WFDC11: variants seen among roughly 807,000 people sequenced by gnomAD.
WFDC11 encodes the protein protein WFDC11.
WFDC11 carries 9 observed loss-of-function variants against 9.9 expected under a neutral mutation model. The observed-to-expected ratio is 0.91, with a 90% CI of 0.55 to 1.58. The LOEUF is 1.58. Ranked by LOEUF, WFDC11 falls within the 40% of genes most tolerant of loss-of-function variation. WFDC11 has a pLI of 0.00. For synonymous variants in WFDC11, 32 were observed against 33.3 expected, an observed-to-expected ratio of 0.96 and a Z score of 0.13; for missense variants, 106 against 101.7, an observed-to-expected ratio of 1.04 and a Z score of -0.18.
At chr20:45,667,213 G>T (rs1456851350) in intron 1 of WFDC11, 44 bp from the exon 2 acceptor site, 1 of 152,232 alleles carries the variant, frequency 6.6e-6, no homozygotes, top group Non-Finnish European at 1.5e-5. Context: ...CAATTATGCA[G>T]ATCTTAGTCA....
chr20:45,651,584 G>C (rs921794239), intron 2 of WFDC11, among the ~76,000 whole-genome samples: 1 of 152,178 alleles, frequency 6.6e-6, no homozygotes, highest in African/African-American at 2.4e-5. Context: ...ATCTCACTGG[G>C]GAGTGTCAGA....
chr20:45,658,469 G>C (rs1217349490), intron 2 of WFDC11, among the ~76,000 whole-genome samples: 1 of 152,010 alleles, frequency 6.6e-6, no homozygotes, highest in Non-Finnish European at 1.5e-5. Flanking sequence ...ATCTCTTCTA[G>C]GTTTTCTAGT....
intron 2 of WFDC11, among the ~76,000 whole-genome samples, chr20:45,655,775 C>G (rs2145618188): frequency 6.6e-6 from 1 of 152,260 alleles, no homozygotes; most frequent in Non-Finnish European, 1.5e-5. Flanking sequence ...CACAAGCATT[C>G]TTATACACCA....
intron 2 of WFDC11, among the ~76,000 whole-genome samples, chr20:45,655,049 A>G (rs891160654): frequency 8.5e-5 from 13 of 152,250 alleles, no homozygotes; most frequent in Admixed American, 7.8e-4. Flanking sequence ...TCCAATCAAT[A>G]GAAAAAGAGG....
At position 45,667,755 on chromosome 20, in the gene WFDC11, C is replaced by A. The variant is rs75908081; in HGVS notation, c.-133-586G>T. Among the ~76,000 whole-genome samples the A allele has an allele frequency of 5.5e-3, 840 of 152,262 alleles. 7 individuals carry two copies. Among genetic ancestry groups the A allele is most frequent in the African/African-American group, 0.019 (806 of 41,548 alleles). ...TTCCTCATTTTTAAAGTGAGAATAG[C>A]AGTACTTTCTTCATAGGATTTTTGG... On this transcript the variant is annotated intron_variant, in intron 1 of 4. Transcript: ENST00000324384.
intron 3 of WFDC11, 48 bp downstream of exon 3, chr20:45,650,453 A>G: frequency 1.3e-6 from 2 of 1,514,250 alleles, no homozygotes; most frequent in Non-Finnish European, 1.8e-6. Flanking sequence ...TTGTTCAGAA[A>G]CAAGCTCATC....
intron 2 of WFDC11, among the ~76,000 whole-genome samples, chr20:45,666,293 G>A (rs79607696): frequency 6.6e-6 from 1 of 152,204 alleles, no homozygotes; most frequent in Non-Finnish European, 1.5e-5. Flanking sequence ...ACAGTATTTG[G>A]GTGGGAGTGT....
chr20:45,665,538 C>G (rs1600943160), intron 2 of WFDC11, among the ~76,000 whole-genome samples: 1 of 152,210 alleles, frequency 6.6e-6, no homozygotes. Context: ...TCTGGTTTCT[C>G]CCCATCTTTG....
At chr20:45,650,236 T>TTG (rs1982772894) in intron 3 of WFDC11, among the ~76,000 whole-genome samples, 1 of 145,256 alleles carries the variant, frequency 6.9e-6, no homozygotes, top group Admixed American at 6.8e-5. Context: ...ACACATGTGT[T>TTG]TGTATATATA....
chr20:45,649,992 A>G (rs1350423351), intron 3 of WFDC11, among the ~76,000 whole-genome samples: 2 of 152,050 alleles, frequency 1.3e-5, no homozygotes, highest in Non-Finnish European at 2.9e-5. Flanking sequence ...AAGGGATCTC[A>G]AGCCTCTTTC....
intron 2 of WFDC11, among the ~76,000 whole-genome samples, chr20:45,665,137 C>A (rs960385830): frequency 3.3e-5 from 5 of 152,158 alleles, no homozygotes; most frequent in Admixed American, 2.6e-4. Context: ...TTTCTCTAAC[C>A]TTGTCTTTTC....
intron 4 of WFDC11, 31 bp downstream of exon 4, chr20:45,649,226 T>C: frequency 6.2e-7 from 1 of 1,613,128 alleles, no homozygotes; most frequent in Non-Finnish European, 8.5e-7. Flanking sequence ...TCAGTGAAGA[T>C]ATACACCCAA....
At chr20:45,648,811 A>T in intron 4 of WFDC11, 72 bp from the exon 5 acceptor site, 1 of 1,463,210 alleles carries the variant, frequency 6.8e-7, no homozygotes, top group Non-Finnish European at 9.6e-7. Flanking sequence ...CCCCCTGCTT[A>T]ATAGTATCCA....
intron 2 of WFDC11, among the ~76,000 whole-genome samples, chr20:45,652,114 C>G (rs1982820709): frequency 6.6e-6 from 1 of 152,352 alleles, no homozygotes; most frequent in East Asian, 1.9e-4. Context: ...AGCTGGAGAT[C>G]TGAGAACAGA....
chr20:45,664,437 G>T (rs1983144068), intron 2 of WFDC11, among the ~76,000 whole-genome samples: 1 of 151,544 alleles, frequency 6.6e-6, no homozygotes. Flanking sequence ...GGTTAATATT[G>T]TGTGTGAATT....
At chr20:45,668,794 C>T (rs1392868579) in intron 1 of WFDC11, among the ~76,000 whole-genome samples, 1 of 152,052 alleles carries the variant, frequency 6.6e-6, no homozygotes, top group Non-Finnish European at 1.5e-5. Context: ...GATTACTCTG[C>T]CAATTAATCA....
At chr20:45,649,232 C>T (rs955489764) in intron 4 of WFDC11, 25 bp downstream of exon 4, 84 of 1,613,294 alleles carry the variant, frequency 5.2e-5, no homozygotes, top group Non-Finnish European at 7.1e-5. Flanking sequence ...AAGATATACA[C>T]CCAAGCAAAC....
intron 2 of WFDC11, among the ~76,000 whole-genome samples, chr20:45,664,741 G>A (rs763246150): frequency 2.6e-5 from 4 of 152,170 alleles, no homozygotes; most frequent in Non-Finnish European, 5.9e-5. Flanking sequence ...GTTGATTATT[G>A]GCTCCCACTC....
chr20:45,651,568 G>C (rs541876460), intron 2 of WFDC11, among the ~76,000 whole-genome samples: 1 of 152,142 alleles, frequency 6.6e-6, no homozygotes, highest in Non-Finnish European at 1.5e-5. Context: ...CTGAGGTACC[G>C]GGTTCATCTC....
Sources: allele counts gnomAD v4.1 joint callset (sites outside exome capture counted in the v4.1 genomes callset), GRCh38; gene constraint gnomAD v4.1.1; transcripts MANE v1.5; gene names NCBI Gene and HGNC (gene_info 2026-07-23, HGNC 2026-07-21).